TMEM82: variants seen among roughly 807,000 people sequenced by gnomAD.
TMEM82 encodes the protein transmembrane protein 82.
A neutral mutation model predicts 29.2 loss-of-function variants in TMEM82; 30 were observed. The ratio of observed to expected loss-of-function variants is 1.03; its 90% CI spans 0.77 to 1.39. The LOEUF is 1.39. TMEM82 is among the 40% of genes most tolerant of loss of function. TMEM82 has a pLI of 0.00. For missense variants in TMEM82, 442 were observed against 447.7 expected (o/e 0.99, Z 0.12); for synonymous variants, 221 against 225.4 (o/e 0.98, Z 0.18).
Position 15,743,004 on chromosome 1 carries a change from C to A in TMEM82, c.162-16C>A. On this transcript the variant is annotated splice_polypyrimidine_tract_variant and intron_variant, in intron 2 of 5. Coordinates refer to ENST00000375782, the MANE Select transcript of TMEM82 (RefSeq NM_001013641.3). ...GCAGTTCTGCACCCCTGCCCACACC[C>A]ATTCTGTCCCCAAAGTGACCCGCAG... 1 of 1,599,276 alleles carries A rather than the reference C, an allele frequency of 6.3e-7. No individual in the cohort carries two copies.
At chr1:15,745,575 GAA>G (rs1284121312) in intron 4 of TMEM82, among the ~76,000 whole-genome samples, 4 of 151,112 alleles carry the variant, frequency 2.6e-5, no homozygotes, top group Non-Finnish European at 5.9e-5. Context: ...GAGAGAGAGA[GAA>G]AGAGAGAGAG....
chr1:15,745,963 A>C (rs1002763163), intron 4 of TMEM82, among the ~76,000 whole-genome samples: 22 of 150,664 alleles, frequency 1.5e-4, no homozygotes, highest in African/African-American at 4.9e-4. Flanking sequence ...GGGCTCAAGC[A>C]ATCCACCTGC....
chr1:15,742,929 C>T (rs1557671697), intron 2 of TMEM82, 22 bp downstream of exon 2: 1 of 1,612,112 alleles, frequency 6.2e-7, no homozygotes, highest in South Asian at 1.1e-5. Context: ...CCTCATCCCC[C>T]CAGGGAATGT....
Position 15,746,875 on chromosome 1 carries a change from C to T in TMEM82, c.766C>T (p.Arg256Trp), listed in dbSNP as rs763864007. The T allele has an allele frequency of 4.7e-5, 75 of 1,581,186 alleles. No individual in the cohort carries two copies. The highest frequency in any genetic ancestry group is 1.2e-4 in the Admixed American group (7 of 56,484). ...LLVIYMQEEQ[R>W]QHPGLQSQVQ... ...GCACCCGCATCCCACAGAGGAGCAG[C>T]GGCAGCACCCCGGCCTGCAGAGCCA... Residue 256 changes from arginine (R) to tryptophan (W), a missense_variant, in exon 5 of 6, where the codon CGG becomes TGG. By Grantham distance (101) the Arg-to-Trp change is moderately radical. Coordinates refer to ENST00000375782, the MANE Select transcript of TMEM82 (RefSeq NM_001013641.3).
At position 15,744,914 on chromosome 1, in the gene TMEM82, C is replaced by T. The variant is rs113938307; in HGVS notation, c.757+334C>T. The stretch of plus-strand genomic sequence containing the variant: ...AACAAGCCACAGGAGTCCAGTGTGG[C>T]TGTCACCCCAAGGGCACAGGGAAGG... On this transcript the variant is annotated intron_variant, in intron 4 of 5. Transcript: ENST00000375782. The surrounding 1 kb of genome is among the most constrained non-coding windows in gnomAD (Gnocchi z 5.2). Among the ~76,000 whole-genome samples, 467 of 152,290 alleles carry T rather than the reference C, an allele frequency of 3.1e-3. 1 individual carries two copies. The highest frequency in any genetic ancestry group is 0.01 in the African/African-American group (431 of 41,558).
At position 15,744,267 on chromosome 1, in the gene TMEM82, C is replaced by A; in HGVS notation, c.444C>A (p.His148Gln). 6.4e-7 allele frequency: 1 copy of A among 1,565,446 alleles called. No individual in the cohort carries two copies. The highest frequency in any genetic ancestry group is 8.6e-7 in the Non-Finnish European group (1 of 1,160,338). The change falls in exon 4 of 6, where the codon CAC becomes CAA. Residue 148 changes from histidine (H) to glutamine (Q), a missense_variant. Transcript: ENST00000375782. The surrounding 1 kb of genome is among the most constrained non-coding windows in gnomAD (Gnocchi z 5.2). ...GLSFLQEGAPHRTLNLLLSLG... is the reference protein window; with the variant it reads ...GLSFLQEGAPQRTLNLLLSLG... ...GCTTCCTGCAGGAGGGCGCCCCTCA[C>A]CGCACGCTGAACCTGCTGCTGAGCC... is the stretch of plus-strand genomic sequence containing the variant.
chr1:15,744,096 T>C lies in TMEM82; in HGVS notation c.337-64T>C, dbSNP rs143333840. 1.3e-3 allele frequency: 1,815 copies of C among 1,428,928 alleles called. 14 individuals carry two copies. The African/African-American group carries it at 0.02, about 16-fold the overall frequency. The allele number at this position is 1,428,928 out of a possible 1,614,324, so 88.5% of individuals were successfully genotyped here. A position where few individuals can be genotyped will look rare whatever the true frequency, so the allele number is the denominator to read the frequency against. On this transcript the variant is annotated intron_variant, in intron 3 of 5. Coordinates refer to ENST00000375782, the MANE Select transcript of TMEM82 (RefSeq NM_001013641.3). The surrounding 1 kb of genome is among the most constrained non-coding windows in gnomAD (Gnocchi z 5.2). Reference sequence around the variant, plus strand: ...GGTCCCTTCAGGCTCCGGCTTCCTGTGGTGGGCAGCACCTGTGGTGAGGCA... The same window carrying C: ...GGTCCCTTCAGGCTCCGGCTTCCTGCGGTGGGCAGCACCTGTGGTGAGGCA...
chr1:15,742,873 C>T lies in TMEM82; in HGVS notation c.127C>T (p.Leu43Phe). ...GALGVLVLNS[L>F]LKVYFFVGCA... Reference sequence around the variant, plus strand: ...CCTTGGAGTCTTGGTCCTGAACAGCCTCCTGAAAGTTTACTTCTTCGTGGG... The same window carrying T: ...CCTTGGAGTCTTGGTCCTGAACAGCTTCCTGAAAGTTTACTTCTTCGTGGG... The change falls in exon 2 of 6, where the codon CTC becomes TTC. Residue 43 changes from leucine (L) to phenylalanine (F), a missense_variant. By Grantham distance (22) the Leu-to-Phe change is conservative. Transcript: ENST00000375782. The T allele has an allele frequency of 6.2e-7, 1 of 1,612,904 alleles. No individual in the cohort carries two copies. Among genetic ancestry groups the T allele is most frequent in the Non-Finnish European group, 8.5e-7 (1 of 1,179,978 alleles).
Position 15,744,413 on chromosome 1 carries a change from C to A in TMEM82, c.590C>A (p.Ala197Glu). 2 of 1,585,726 alleles carry A rather than the reference C, an allele frequency of 1.3e-6. No individual in the cohort carries two copies. The highest frequency in any genetic ancestry group is 1.1e-5 in the South Asian group (1 of 87,888). Residue 197 changes from alanine (A) to glutamate (E), a missense_variant, in exon 4 of 6, where the codon GCA becomes GAA. Transcript: ENST00000375782. This position sits in a 1 kb window ranked among gnomAD's most constrained non-coding sequence, Gnocchi z 5.2. ...CGVCLGLLAHAHGLPQLLGRA... is the reference protein window; with the variant it reads ...CGVCLGLLAHEHGLPQLLGRA... ...GTGTGCCTGGGCCTGCTGGCCCATG[C>A]ACATGGCCTCCCCCAGCTGCTGGGC...
At position 15,744,054 on chromosome 1, in the gene TMEM82, T is replaced by C; in HGVS notation, c.337-106T>C. 1.7e-6 allele frequency: 2 copies of C among 1,211,354 alleles called. No homozygotes were observed. Among genetic ancestry groups the C allele is most frequent in the African/African-American group, 1.5e-5 (1 of 65,158 alleles). 75.0% of individuals were successfully genotyped at this position (1,211,354 alleles called of 1,614,324 possible). A position where few individuals can be genotyped will look rare whatever the true frequency, so the allele number is the denominator to read the frequency against. On this transcript the variant is annotated intron_variant, in intron 3 of 5. Coordinates refer to ENST00000375782, the MANE Select transcript of TMEM82 (RefSeq NM_001013641.3). The surrounding 1 kb of genome is among the most constrained non-coding windows in gnomAD (Gnocchi z 5.2). The stretch of plus-strand genomic sequence containing the variant: ...TTCATCTGAAGCCGATGTGGCCCCT[T>C]CGGGAACCATCCCCAAGGTCCCTTC...
chr1:15,747,626 C>G lies in TMEM82; in HGVS notation c.1026C>G (p.Pro342=). The change falls in exon 6 of 6, where the codon CCC becomes CCG. Residue 342 remains proline (P), a synonymous_variant. Coordinates refer to ENST00000375782, the MANE Select transcript of TMEM82 (RefSeq NM_001013641.3). ...PSAPQSQSSA[P]S is the part of the protein sequence containing the mutation. The stretch of plus-strand genomic sequence containing the variant: ...CACCCCAGTCCCAGAGTTCGGCCCC[C>G]TCTTGACCTGCCTCAGGGAGGATCT... The G allele has an allele frequency of 6.2e-7, 1 of 1,613,982 alleles. No homozygotes were observed. Among genetic ancestry groups the G allele is most frequent in the Non-Finnish European group, 8.5e-7 (1 of 1,179,886 alleles).
chr1:15,747,488 C>G (rs2068345268), intron 5 of TMEM82, 58 bp from the exon 6 acceptor site: 6 of 1,496,876 alleles, frequency 4.0e-6, no homozygotes, highest in Non-Finnish European at 5.6e-6. Flanking sequence ...CACTGGAGGC[C>G]CAAGGCCCGC....
chr1:15,747,586 A>G lies in TMEM82; in HGVS notation c.986A>G (p.Gln329Arg). ...SQRPPVSTPS[Q>R]PLPSAPQSQS... is the part of the protein sequence containing the mutation. ...AGGCCTCCAGTGTCAACACCAAGCC[A>G]GCCCCTGCCCTCGGCACCCCAGTCC... The change falls in exon 6 of 6, where the codon CAG (glutamine) becomes CGG (arginine). Residue 329 changes from glutamine to arginine, a missense_variant. Gln to Arg is a conservative substitution (Grantham distance 43, BLOSUM62 1). Transcript: ENST00000375782. 3 of 1,614,096 alleles carry G rather than the reference A, an allele frequency of 1.9e-6. No individual in the cohort carries two copies. The highest frequency in any genetic ancestry group is 2.2e-5 in the South Asian group (2 of 91,074).
At position 15,744,100 on chromosome 1, in the gene TMEM82, G is replaced by C; in HGVS notation, c.337-60G>C. On this transcript the variant is annotated intron_variant, in intron 3 of 5. Transcript: ENST00000375782. This position sits in a 1 kb window ranked among gnomAD's most constrained non-coding sequence, Gnocchi z 5.2. ...CCTTCAGGCTCCGGCTTCCTGTGGTGGGCAGCACCTGTGGTGAGGCAGCCC... is the reference window on the plus strand; with the variant it reads ...CCTTCAGGCTCCGGCTTCCTGTGGTCGGCAGCACCTGTGGTGAGGCAGCCC... 7.0e-7 allele frequency: 1 copy of C among 1,436,102 alleles called. No homozygotes were observed. The highest frequency in any genetic ancestry group is 9.1e-7 in the Non-Finnish European group (1 of 1,095,178). 89.0% of individuals were successfully genotyped at this position (1,436,102 alleles called of 1,614,324 possible).
chr1:15,744,441 T>G lies in TMEM82; in HGVS notation c.618T>G (p.Arg206=). 1 of 1,601,766 alleles carries G rather than the reference T, an allele frequency of 6.2e-7. No individual in the cohort carries two copies. ...HAHGLPQLLG[R]ALAIAFAVGD... ...ATGGCCTCCCCCAGCTGCTGGGCCG[T>G]GCCCTGGCCATAGCCTTTGCCGTGG... The change falls in exon 4 of 6, where the codon CGT becomes CGG. Residue 206 remains arginine (R), a synonymous_variant. Coordinates refer to ENST00000375782, the MANE Select transcript of TMEM82 (RefSeq NM_001013641.3). The surrounding 1 kb of genome is among the most constrained non-coding windows in gnomAD (Gnocchi z 5.2).
chr1:15,745,984 C>A (rs1557673097), intron 4 of TMEM82, among the ~76,000 whole-genome samples: 1 of 151,170 alleles, frequency 6.6e-6, no homozygotes, highest in Non-Finnish European at 1.5e-5. Context: ...CTCAGCTTCC[C>A]GAAGTGCTGG....
Position 15,744,178 on chromosome 1 carries a change from G to T in TMEM82, c.355G>T (p.Glu119Ter). The T allele has an allele frequency of 6.4e-7, 1 of 1,570,242 alleles. No homozygotes were observed. Among genetic ancestry groups the T allele is most frequent in the East Asian group, 2.3e-5 (1 of 43,782 alleles). Residue 119 changes from glutamate (E) to a stop codon, truncating the protein, a stop_gained, in exon 4 of 6, where the codon GAG becomes TAG. Transcript: ENST00000375782. LOFTEE classifies it high-confidence loss of function. The surrounding 1 kb of genome is among the most constrained non-coding windows in gnomAD (Gnocchi z 5.2). ...SLGKGSQGAA[E>*]RLQLYLLCQY... ...CCCGCAGGGCTCCCAGGGTGCCGCCGAGAGGCTGCAGCTCTACCTGCTGTG... is the reference window on the plus strand; with the variant it reads ...CCCGCAGGGCTCCCAGGGTGCCGCCTAGAGGCTGCAGCTCTACCTGCTGTG...
At chr1:15,747,455 C>A (rs2148396806) in intron 5 of TMEM82, 91 bp from the exon 6 acceptor site, 1 of 1,131,060 alleles carries the variant, frequency 8.8e-7, no homozygotes, top group Non-Finnish European at 1.3e-6. Flanking sequence ...CCCAGAGGCC[C>A]AAGGGGGAGG....
chr1:15,743,962 C>CT (rs1278728605), intron 3 of TMEM82, among the ~76,000 whole-genome samples, 198 bp from the exon 4 acceptor site: 1 of 150,404 alleles, frequency 6.6e-6, no homozygotes, highest in Non-Finnish European at 1.5e-5. Flanking sequence ...AAGACTCTGT[C>CT]TAAAAAAAAA....
Sources: gnomAD v4.1 joint callset for allele counts (sites outside exome capture counted in the v4.1 genomes callset) on GRCh38, gnomAD v4.1.1 for gene constraint, Gnocchi (gnomAD v3.1) non-coding constraint, MANE v1.5 for transcripts, NCBI Gene and HGNC (gene_info 2026-07-23, HGNC 2026-07-21) for gene names.